ZC3H18: variants seen among roughly 807,000 people sequenced by gnomAD.
ZC3H18 encodes zinc finger CCCH domain-containing protein 18.
Under a neutral mutation model 106.1 loss-of-function variants are expected in ZC3H18, and 8 were observed. That is an observed-to-expected ratio of 0.08 (90% confidence interval 0.04 to 0.14). The LOEUF (loss-of-function observed/expected upper bound fraction) is 0.14. Ranked by LOEUF, ZC3H18 falls within the 10% of genes least tolerant of loss-of-function variation. ZC3H18 has a pLI of 1.00. For missense variants in ZC3H18, 1,318 were observed against 1,278.4 expected (o/e 1.03, Z -0.47); for synonymous variants, 635 against 522.1 (o/e 1.22, Z -2.95).
intron 3 of ZC3H18, among the ~76,000 whole-genome samples, chr16:88,589,491 G>A (rs776237703): frequency 8.5e-5 from 13 of 152,260 alleles, no homozygotes; most frequent in Non-Finnish European, 1.6e-4. Context: ...AGGGAATGAA[G>A]CACTGGCTCA....
chr16:88,624,791 G>T lies in ZC3H18; in HGVS notation c.2042+46G>T, dbSNP rs757003557. On this transcript the variant is annotated intron_variant, in intron 12 of 17. Coordinates refer to ENST00000301011, the MANE Select transcript of ZC3H18 (RefSeq NM_144604.4). ...GGCCCTCAGGCTTTCCGTGTTCTTG[G>T]TGCCACTGTGATGCTGGCACTGCTG... is the stretch of plus-strand genomic sequence containing the variant. 1.9e-6 allele frequency: 3 copies of T among 1,561,760 alleles called. No individual in the cohort carries two copies. The South Asian group carries it at 3.5e-5, about 18-fold the overall frequency.
chr16:88,607,630 CT>C (rs751120713), intron 6 of ZC3H18, among the ~76,000 whole-genome samples: 7 of 152,052 alleles, frequency 4.6e-5, no homozygotes, highest in Non-Finnish European at 7.4e-5. Context: ...TCTCAGGCGT[CT>C]CCCCATTTAT....
At chr16:88,593,435 T>G (rs1403653345) in intron 3 of ZC3H18, among the ~76,000 whole-genome samples, 1 of 152,266 alleles carries the variant, frequency 6.6e-6, no homozygotes, top group South Asian at 2.1e-4. Flanking sequence ...TTCATCACGC[T>G]GCTCAGCACA....
At chr16:88,601,627 C>T (rs2142698254) in intron 6 of ZC3H18, among the ~76,000 whole-genome samples, 1 of 151,344 alleles carries the variant, frequency 6.6e-6, no homozygotes, top group South Asian at 2.1e-4. Context: ...AGCTTCTCTC[C>T]CAGGAGCCGG....
intron 6 of ZC3H18, among the ~76,000 whole-genome samples, chr16:88,605,845 C>G (rs1186293621): frequency 6.6e-6 from 1 of 152,278 alleles, no homozygotes; most frequent in Non-Finnish European, 1.5e-5. Flanking sequence ...GCAGAAACCA[C>G]CTGCCCCTGA....
In ZC3H18 at chr16:88,624,653, C is replaced by T; in HGVS notation, c.1950C>T (p.Thr650=). 6.2e-7 allele frequency: 1 copy of T among 1,613,988 alleles called. No individual in the cohort carries two copies. Among genetic ancestry groups the T allele is most frequent in the East Asian group, 2.2e-5 (1 of 44,872 alleles). The change falls in exon 12 of 18, where the codon ACC becomes ACT. Residue 650 remains threonine (T), a synonymous_variant. Transcript: ENST00000301011. ...PAPPPAPPQA[T]KTTAPVPEPT... The stretch of plus-strand genomic sequence containing the variant: ...CGCCTCCAGCCCCACCACAGGCCAC[C>T]AAAACCACTGCTCCTGTCCCCGAGC...
In ZC3H18 at chr16:88,577,241, G is replaced by A. The variant is rs775949076; in HGVS notation, c.118G>A (p.Gly40Arg). The A allele has an allele frequency of 5.0e-6, 8 of 1,613,520 alleles. No individual in the cohort carries two copies. The highest frequency in any genetic ancestry group is 2.7e-5 in the African/African-American group (2 of 75,004). ...CAGCGGGTCCGATCAGGATTTGGAC[G>A]GGGCGGGGGTGAGGGCTTCTGATCT... ...RDSGSDQDLD[G>R]AGVRASDLED... is the part of the protein sequence containing the mutation. The change falls in exon 2 of 18, where the codon GGG becomes AGG. Residue 40 changes from glycine to arginine, a missense_variant. By Grantham distance (125) the Gly-to-Arg change is moderately radical (BLOSUM62 -2). Transcript: ENST00000301011.
intron 9 of ZC3H18, 195 bp from the exon 10 acceptor site, chr16:88,623,024 G>C: frequency 2.8e-6 from 2 of 716,410 alleles, no homozygotes; most frequent in Non-Finnish European, 4.5e-6. Flanking sequence ...CACCAAGGAG[G>C]GATGGCACTG....
At chr16:88,600,720 G>T (rs1275452933) in intron 6 of ZC3H18, among the ~76,000 whole-genome samples, 1 of 152,166 alleles carries the variant, frequency 6.6e-6, no homozygotes, top group Non-Finnish European at 1.5e-5. Context: ...GCCCCTTTAT[G>T]CCTGGTCTTT....
chr16:88,605,407 C>T (rs1008708678), intron 6 of ZC3H18, among the ~76,000 whole-genome samples: 2 of 152,240 alleles, frequency 1.3e-5, no homozygotes, highest in Non-Finnish European at 2.9e-5. Context: ...GGCACCAGGT[C>T]GACCATGCTG....
At chr16:88,597,593 C>G (rs926955062) in intron 3 of ZC3H18, among the ~76,000 whole-genome samples, 1 of 152,170 alleles carries the variant, frequency 6.6e-6, no homozygotes. Context: ...CCCGGATATT[C>G]TGTTGAAGAT....
intron 15 of ZC3H18, 63 bp from the exon 16 acceptor site, chr16:88,628,695 G>C: frequency 6.5e-7 from 1 of 1,546,190 alleles, no homozygotes; most frequent in Non-Finnish European, 8.9e-7. Context: ...ATGTCCTCTG[G>C]GGCGAGGACA....
At chr16:88,598,060 C>G (rs1904536317) in intron 3 of ZC3H18, 118 bp from the exon 4 acceptor site, 3 of 753,586 alleles carry the variant, frequency 4.0e-6, no homozygotes, top group African/African-American at 1.8e-5. Flanking sequence ...TACTGTGTGG[C>G]TCGCCATCAG....
At chr16:88,599,640 G>T (rs62050304) in intron 5 of ZC3H18, 151 bp from the exon 6 acceptor site, 1 of 914,348 alleles carries the variant, frequency 1.1e-6, no homozygotes, top group African/African-American at 1.7e-5. Flanking sequence ...CAACTGTGCT[G>T]TGTCCGCCCC....
chr16:88,607,643 C>G (rs960890451), intron 6 of ZC3H18, among the ~76,000 whole-genome samples: 1 of 151,948 alleles, frequency 6.6e-6, no homozygotes, highest in African/African-American at 2.4e-5. Flanking sequence ...CCCATTTATT[C>G]ACAGGCTTCA....
At position 88,630,761 on chromosome 16, in the gene ZC3H18, C is replaced by CCA. The variant is rs1567602535; in HGVS notation, c.2663+181_2663+182insAC. Among the ~76,000 whole-genome samples, 3 of 109,838 alleles carry CCA rather than the reference C, an allele frequency of 2.7e-5. 1 individual carries two copies. Among genetic ancestry groups the CCA allele is most frequent in the Middle Eastern group, 3.8e-3 (1 of 260 alleles). 72.1% of individuals were successfully genotyped at this position (109,838 alleles called of 152,430 possible). A position where few individuals can be genotyped will look rare whatever the true frequency, so the allele number is the denominator to read the frequency against. On this transcript the variant is annotated intron_variant, in intron 17 of 17. Transcript: ENST00000301011. ...GAATTGCAGCCCCACCCCCCACCCCCCCCCACACACACACACACGCTCCTG... is the reference window on the plus strand; with the variant it reads ...GAATTGCAGCCCCACCCCCCACCCCCCACCCCACACACACACACACGCTCCTG...
Position 88,602,793 on chromosome 16 carries a change from G to A in ZC3H18, c.1088+2845G>A, listed in dbSNP as rs189208491. On this transcript the variant is annotated intron_variant, in intron 6 of 17. Coordinates refer to ENST00000301011, the MANE Select transcript of ZC3H18 (RefSeq NM_144604.4). ...CTCCTAAGTTGCTGGGAATATAGAC[G>A]TTAGCCACCTGATGTTGAGTTTTGC... Among the ~76,000 whole-genome samples the A allele has an allele frequency of 4.1e-3, 623 of 152,250 alleles. 2 individuals are homozygous for A. Among genetic ancestry groups the A allele is most frequent in the Middle Eastern group, 6.8e-3 (2 of 294 alleles).
chr16:88,623,482 G>A, intron 10 of ZC3H18, 138 bp downstream of exon 10: 2 of 1,213,154 alleles, frequency 1.6e-6, no homozygotes, highest in East Asian at 2.5e-5. Context: ...GGATGGCCAG[G>A]GGGTCGTGTC....
At chr16:88,607,788 C>T (rs1486395944) in intron 6 of ZC3H18, among the ~76,000 whole-genome samples, 1 of 147,922 alleles carries the variant, frequency 6.8e-6, no homozygotes, top group African/African-American at 2.5e-5. Flanking sequence ...AGGCATCTCC[C>T]CATTCACATG....
Sources: allele counts gnomAD v4.1 joint callset (sites outside exome capture counted in the v4.1 genomes callset), GRCh38; gene constraint gnomAD v4.1.1; transcripts MANE v1.5; gene names NCBI Gene and HGNC (gene_info 2026-07-23, HGNC 2026-07-21).